Variants in WDR19 observed in about 807,000 individuals in gnomAD.
WDR19 encodes WD repeat domain 19, also known as WD repeat-containing protein 19.
Under a neutral mutation model 180.0 loss-of-function variants are expected in WDR19, and 121 were observed. The observed-to-expected ratio is 0.67, with a 90% CI of 0.58 to 0.78. WDR19 has a LOEUF of 0.78. Ranked by LOEUF, WDR19 falls within the 30% of genes least tolerant of loss-of-function variation. The probability of loss-of-function intolerance (pLI) is 0.00; values close to 1 mark genes in which losing one functional copy is unlikely to be tolerated. For synonymous variants in WDR19, 497 were observed against 540.7 expected, an observed-to-expected ratio of 0.92 and a Z score of 1.12; for missense variants, 1,450 against 1,640.7, an observed-to-expected ratio of 0.88 and a Z score of 2.01.
chr4:39,238,138 T>G (rs1226574921), intron 20 of WDR19: 1 of 152,236 alleles, frequency 6.6e-6, no homozygotes, highest in African/African-American at 2.4e-5. Context: ...TGAAGGAATT[T>G]CCTTGTGATA....
intron 24 of WDR19, among the ~76,000 whole-genome samples, chr4:39,246,231 C>T (rs986250851): frequency 1.3e-5 from 2 of 152,146 alleles, no homozygotes; most frequent in South Asian, 2.1e-4. Context: ...TTGGGCTGGG[C>T]GTGGTGGCTC....
At chr4:39,276,935 C>T in intron 33 of WDR19, 85 bp from the exon 34 acceptor site, 1 of 1,560,744 alleles carries the variant, frequency 6.4e-7, no homozygotes, top group Non-Finnish European at 8.7e-7. Flanking sequence ...TCATATGTCC[C>T]TGGTTTTCCA....
rs185467491 is a variant in WDR19, at chr4:39,229,374, T to C, written c.1982+684T>C. On this transcript the variant is annotated intron_variant, in intron 17 of 36. Coordinates refer to ENST00000399820, the MANE Select transcript of WDR19 (RefSeq NM_025132.4). ...GGGATATTGTGAGGCTCAGATAAGA[T>C]AGTCAGCTGTTTTTATTATGAGTAC... is the stretch of plus-strand genomic sequence containing the variant. Among the ~76,000 whole-genome samples the C allele has an allele frequency of 2.7e-4, 41 of 152,286 alleles. No homozygotes were observed. The East Asian group carries it at 4.6e-3, about 17-fold the overall frequency.
At chr4:39,205,349 T>G (rs1727835866) in intron 8 of WDR19, 83 bp downstream of exon 8, 2 of 1,345,030 alleles carry the variant, frequency 1.5e-6, no homozygotes, top group South Asian at 1.3e-5. Context: ...TGTATTCAAT[T>G]TTTGTTTGTA....
chr4:39,203,528 A>G, intron 6 of WDR19, 114 bp from the exon 7 acceptor site: 1 of 786,756 alleles, frequency 1.3e-6, no homozygotes, highest in Non-Finnish European at 2.0e-6. Flanking sequence ...TAGGATTTTC[A>G]GGTTCTTAGT....
chr4:39,205,438 C>T, intron 8 of WDR19, 125 bp from the exon 9 acceptor site: 1 of 1,250,334 alleles, frequency 8.0e-7, no homozygotes, highest in South Asian at 1.6e-5. Context: ...TATTATCTGA[C>T]ACAAAGTAGG....
rs551130066 is a variant in WDR19, at chr4:39,278,808, A to T, written c.*13+145A>T. 2.7e-4 allele frequency: 114 copies of T among 429,714 alleles called. No individual in the cohort carries two copies. The East Asian group carries it at 3.6e-3, about 14-fold the overall frequency. The allele number at this position is 429,714 out of a possible 1,614,324, so 26.6% of individuals were successfully genotyped here. ...CAATCTGACAACCACCTTTTGATGT[A>T]TTTTTTTTAATGCTAAAATGCAGGT... On this transcript the variant is annotated intron_variant, in intron 36 of 36. Transcript: ENST00000399820.
chr4:39,226,790 A>G (rs1044271970), intron 15 of WDR19, among the ~76,000 whole-genome samples: 1 of 152,220 alleles, frequency 6.6e-6, no homozygotes. Flanking sequence ...ATGTAATTAA[A>G]AATTTTCTAT....
chr4:39,216,676 C>G (rs1365175217), intron 12 of WDR19, among the ~76,000 whole-genome samples: 8 of 152,090 alleles, frequency 5.3e-5, no homozygotes, highest in Non-Finnish European at 1.0e-4. Context: ...TTCTGTCTCC[C>G]CTTTTATTCT....
intron 12 of WDR19, 61 bp from the exon 13 acceptor site, chr4:39,217,073 A>C: frequency 8.7e-7 from 1 of 1,144,176 alleles, no homozygotes; most frequent in Middle Eastern, 2.3e-4. Flanking sequence ...AATTATTTGC[A>C]AGTAGGTATG....
intron 28 of WDR19, among the ~76,000 whole-genome samples, chr4:39,261,614 A>G (rs1185469040): frequency 6.6e-6 from 1 of 152,218 alleles, no homozygotes; most frequent in Non-Finnish European, 1.5e-5. Flanking sequence ...ACCACTAGAC[A>G]AAGTTCAGTA....
intron 14 of WDR19, among the ~76,000 whole-genome samples, chr4:39,224,129 A>G (rs1036413088): frequency 7.9e-5 from 12 of 152,260 alleles, no homozygotes; most frequent in Admixed American, 6.5e-4. Context: ...TTAATTTGGT[A>G]TGTACATGTT....
chr4:39,221,738 T>C (rs1248211327), intron 14 of WDR19, among the ~76,000 whole-genome samples: 1 of 152,246 alleles, frequency 6.6e-6, no homozygotes, highest in Non-Finnish European at 1.5e-5. Flanking sequence ...TGTTTGTATA[T>C]TCTAGAGTTT....
rs553562522 is a variant in WDR19 at position 39,258,415 on chromosome 4, T to C, written c.3183+861T>C. 3.0e-4 allele frequency among the ~76,000 whole-genome samples: 45 copies of C among 152,286 alleles called. 1 individual carries two copies. The South Asian group carries it at 8.7e-3, about 29-fold the overall frequency. Reference sequence around the variant, plus strand: ...ATCTGCCCACGTCAGCCTCCCAAAGTGCTGGGATTACAGGTGTGAGCCACT... The same window carrying C: ...ATCTGCCCACGTCAGCCTCCCAAAGCGCTGGGATTACAGGTGTGAGCCACT... On this transcript the variant is annotated intron_variant, in intron 28 of 36. Coordinates refer to ENST00000399820, the MANE Select transcript of WDR19 (RefSeq NM_025132.4).
intron 33 of WDR19, among the ~76,000 whole-genome samples, chr4:39,275,650 T>C (rs539355458): frequency 6.6e-6 from 1 of 152,272 alleles, no homozygotes; most frequent in South Asian, 2.1e-4. Flanking sequence ...GCCTTTTTGT[T>C]CAGAAAGGTA....
intron 30 of WDR19, 138 bp from the exon 31 acceptor site, chr4:39,269,838 C>T: frequency 8.8e-7 from 1 of 1,138,222 alleles, no homozygotes; most frequent in Non-Finnish European, 1.2e-6. Context: ...AGGAAATCTG[C>T]TGAGTTGCTT....
At chr4:39,219,420 G>A (rs961526313) in intron 14 of WDR19, among the ~76,000 whole-genome samples, 1 of 152,140 alleles carries the variant, frequency 6.6e-6, no homozygotes, top group African/African-American at 2.4e-5. Flanking sequence ...AACATTATGT[G>A]GCGAATGACT....
intron 28 of WDR19, among the ~76,000 whole-genome samples, chr4:39,260,067 C>G (rs1734137136): frequency 6.6e-6 from 1 of 151,860 alleles, no homozygotes; most frequent in African/African-American, 2.4e-5. Context: ...CTCTCTCTCT[C>G]TTCAACTCTA....
At position 39,199,487 on chromosome 4, in the gene WDR19, C is replaced by A. The variant is rs918439697; in HGVS notation, c.416C>A (p.Thr139Asn). Residue 139 changes from threonine to asparagine, a missense_variant, in exon 6 of 37, where the codon ACT (threonine) becomes AAT (asparagine). Transcript: ENST00000399820. ...SRKIPVLGKH[T>N]KRITCGCWNA... ...ATAATCTCTTTTTCAGGAAAACATA[C>A]TAAGAGAATCACTTGTGGATGTTGG... 3.1e-6 allele frequency: 5 copies of A among 1,611,828 alleles called. No individual in the cohort carries two copies. In the African/African-American group the frequency reaches 4.0e-5, roughly 13 times the overall value.
Sources: allele counts gnomAD v4.1 joint callset (sites outside exome capture counted in the v4.1 genomes callset), GRCh38; gene constraint gnomAD v4.1.1; transcripts MANE v1.5; gene names NCBI Gene and HGNC (gene_info 2026-07-23, HGNC 2026-07-21).